Variants in LMX1B observed in about 807,000 individuals in gnomAD.
The protein encoded by LMX1B is LIM homeobox transcription factor 1 beta.
In LMX1B, 12 loss-of-function variants were observed where a neutral mutation model predicts 51.4. The ratio of observed to expected loss-of-function variants is 0.23; its 90% confidence interval spans 0.15 to 0.38. LMX1B has a LOEUF of 0.38. Ranked by LOEUF, LMX1B falls within the 10% of genes least tolerant of loss-of-function variation. The pLI, the probability that LMX1B is intolerant of heterozygous loss-of-function variation, is 1.00. For synonymous variants in LMX1B, 237 were observed against 235.4 expected, an observed-to-expected ratio of 1.01 and a Z score of -0.06; for missense variants, 445 against 571.1, an observed-to-expected ratio of 0.78 and a Z score of 2.25.
At position 126,695,967 on chromosome 9, in the gene LMX1B, C is replaced by T; in HGVS notation, c.1015C>T (p.Pro339Ser). 1 of 1,612,458 alleles carries T rather than the reference C, an allele frequency of 6.2e-7. No homozygotes were observed. The highest frequency in any genetic ancestry group is 8.5e-7 in the Non-Finnish European group (1 of 1,179,440). ...SSDPFQQGLT[P>S]PQMPGDHMNP... ...CGACCCCTTCCAGCAGGGCCTCACGCCGCCCCAAATGCCAGGTGACCACAT... is the reference window on the plus strand; with the variant it reads ...CGACCCCTTCCAGCAGGGCCTCACGTCGCCCCAAATGCCAGGTGACCACAT... Residue 339 changes from proline to serine, a missense_variant, in exon 7 of 8, where the codon CCG becomes TCG. Physicochemically the swap from Pro to Ser is moderately conservative, Grantham distance 74. Transcript: ENST00000373474. This position sits in a 1 kb window ranked among gnomAD's most constrained non-coding sequence, Gnocchi z 5.2.
In LMX1B at chr9:126,699,635, G is replaced by T. The variant is rs2030472607; in HGVS notation, c.*3184G>T. ...CTGGGTGTGGCTCGCAGATGAACAAGATGCAGGGCCTGCCTTGAGGGGTGT... is the reference window on the plus strand; with the variant it reads ...CTGGGTGTGGCTCGCAGATGAACAATATGCAGGGCCTGCCTTGAGGGGTGT... On this transcript the variant is annotated 3_prime_UTR_variant, in exon 8 of 8. Coordinates refer to ENST00000373474, the MANE Select transcript of LMX1B (RefSeq NM_001174147.2). The T allele has an allele frequency of 6.6e-6, 1 of 152,490 alleles. No individual in the cohort carries two copies. The highest frequency in any genetic ancestry group is 1.5e-5 in the Non-Finnish European group (1 of 68,296). The allele number at this position is 152,490 out of a possible 1,614,324, so 9.4% of individuals were successfully genotyped here.
At chr9:126,668,180 T>C (rs1279228163) in intron 2 of LMX1B, among the ~76,000 whole-genome samples, 1 of 152,130 alleles carries the variant, frequency 6.6e-6, no homozygotes, top group East Asian at 1.9e-4. Context: ...ACACTCTTAC[T>C]GAGACCAGGG....
In LMX1B at chr9:126,673,211, T is replaced by C. The variant is rs932313802; in HGVS notation, c.327-17625T>C. Among the ~76,000 whole-genome samples the C allele has an allele frequency of 6.6e-6, 1 of 152,162 alleles. No homozygotes were observed. Among genetic ancestry groups the C allele is most frequent in the African/African-American group, 2.4e-5 (1 of 41,448 alleles). On this transcript the variant is annotated intron_variant, in intron 2 of 7. Transcript: ENST00000373474. The surrounding 1 kb of genome is among the most constrained non-coding windows in gnomAD (Gnocchi z 4.4). ...CCTGGCTCACAGCAGGTATCCATGC[T>C]GGGGTCTGGGGGAGCCCCAGACACC...
chr9:126,632,606 C>G (rs1198228241), intron 2 of LMX1B, among the ~76,000 whole-genome samples: 1 of 152,146 alleles, frequency 6.6e-6, no homozygotes, highest in Non-Finnish European at 1.5e-5. Flanking sequence ...GGGATTAGAC[C>G]GGCGGGAGGA....
chr9:126,692,883 G>A (rs1053975513), intron 3 of LMX1B, among the ~76,000 whole-genome samples: 1 of 152,218 alleles, frequency 6.6e-6, no homozygotes, highest in African/African-American at 2.4e-5. Context: ...TGTGCCCTGC[G>A]GCCCAGGATG....
At position 126,695,687 on chromosome 9, in the gene LMX1B, C is replaced by T. The variant is rs576686778; in HGVS notation, c.887-152C>T. 1.3e-5 allele frequency: 10 copies of T among 787,198 alleles called. No homozygotes were observed. The highest frequency in any genetic ancestry group is 8.9e-5 in the South Asian group (5 of 56,394). 48.8% of individuals were successfully genotyped at this position (787,198 alleles called of 1,614,324 possible). On this transcript the variant is annotated intron_variant, in intron 6 of 7. Coordinates refer to ENST00000373474, the MANE Select transcript of LMX1B (RefSeq NM_001174147.2). The surrounding 1 kb of genome is among the most constrained non-coding windows in gnomAD (Gnocchi z 5.2). ...CCTGGAGGAGGAGCTGGAGTGTGCA[C>T]CTGGGGAAGGGGCTGGGGAGTCAGT...
In LMX1B at chr9:126,676,477, A is replaced by T. The variant is rs746330797; in HGVS notation, c.327-14359A>T. ...GATGAAGTGGCAGGAAGAGGAGGAT[A>T]CCCTGGGAACTCCATGCCATGGGGC... On this transcript the variant is annotated intron_variant, in intron 2 of 7. Transcript: ENST00000373474. Among the ~76,000 whole-genome samples the T allele has an allele frequency of 6.1e-4, 93 of 152,172 alleles. 1 individual carries two copies. The highest frequency in any genetic ancestry group is 1.4e-3 in the Admixed American group (22 of 15,286).
rs2030350240 is a variant in LMX1B, at chr9:126,696,680, C to A, written c.*229C>A. Reference sequence around the variant, plus strand: ...GTCCTGCCCACAGAGACCTTGTCATCCCCAGGGACCCAGAGCTCTCGGACG... The same window carrying A: ...GTCCTGCCCACAGAGACCTTGTCATACCCAGGGACCCAGAGCTCTCGGACG... On this transcript the variant is annotated 3_prime_UTR_variant, in exon 8 of 8. Coordinates refer to ENST00000373474, the MANE Select transcript of LMX1B (RefSeq NM_001174147.2). 6.9e-6 allele frequency: 4 copies of A among 577,756 alleles called. No individual in the cohort carries two copies. The South Asian group carries it at 8.4e-5, about 12-fold the overall frequency. 35.8% of individuals were successfully genotyped at this position (577,756 alleles called of 1,614,324 possible).
intron 2 of LMX1B, among the ~76,000 whole-genome samples, chr9:126,683,722 G>A (rs971540009): frequency 6.6e-6 from 1 of 152,216 alleles, no homozygotes; most frequent in African/African-American, 2.4e-5. Flanking sequence ...ACACAGGAAG[G>A]TCAATACATT....
At chr9:126,680,610 T>G (rs1836653944) in intron 2 of LMX1B, among the ~76,000 whole-genome samples, 1 of 152,132 alleles carries the variant, frequency 6.6e-6, no homozygotes, top group Non-Finnish European at 1.5e-5. Flanking sequence ...AAAAGGTACC[T>G]GGGACTAGCT....
chr9:126,681,573 GC>G (rs35980483), intron 2 of LMX1B, among the ~76,000 whole-genome samples: 1 of 151,632 alleles, frequency 6.6e-6, no homozygotes, highest in South Asian at 2.1e-4. Context: ...CTAACCCGGT[GC>G]CCCCCCTACA....
chr9:126,663,464 G>A (rs868563276), intron 2 of LMX1B, among the ~76,000 whole-genome samples: 11 of 151,602 alleles, frequency 7.3e-5, no homozygotes, highest in Non-Finnish European at 2.9e-5. Flanking sequence ...TTTGAGAGCA[G>A]AGGGACTTGG....
rs1011788741 is a variant in LMX1B, at chr9:126,677,135, G to A, written c.327-13701G>A. 1.3e-5 allele frequency among the ~76,000 whole-genome samples: 2 copies of A among 152,184 alleles called. No individual in the cohort carries two copies. Among genetic ancestry groups the A allele is most frequent in the East Asian group, 3.9e-4 (2 of 5,192 alleles). ...GGCCGAGCCCTGACCTGCCTCGCCT[G>A]CCCTTTGCCCGTCCCCAGCCAGAGC... On this transcript the variant is annotated intron_variant, in intron 2 of 7. Coordinates refer to ENST00000373474, the MANE Select transcript of LMX1B (RefSeq NM_001174147.2). The surrounding 1 kb of genome is among the most constrained non-coding windows in gnomAD (Gnocchi z 5.0).
intron 2 of LMX1B, among the ~76,000 whole-genome samples, chr9:126,680,694 G>A (rs1447733445): frequency 1.3e-5 from 2 of 152,096 alleles, no homozygotes; most frequent in African/African-American, 2.4e-5. Context: ...GGTAGGTGCC[G>A]GGTAAACGTT....
At chr9:126,633,270 T>C (rs973003110) in intron 2 of LMX1B, among the ~76,000 whole-genome samples, 2 of 152,176 alleles carry the variant, frequency 1.3e-5, no homozygotes, top group African/African-American at 4.8e-5. Context: ...TGAGTCTACA[T>C]TTCCAGATGG....
chr9:126,682,592 A>G (rs1417557326), intron 2 of LMX1B, among the ~76,000 whole-genome samples: 1 of 152,146 alleles, frequency 6.6e-6, no homozygotes, highest in Non-Finnish European at 1.5e-5. Flanking sequence ...CGCACATAGT[A>G]GACGCTAAAG....
At chr9:126,666,311 G>A (rs1039885241) in intron 2 of LMX1B, among the ~76,000 whole-genome samples, 12 of 152,204 alleles carry the variant, frequency 7.9e-5, no homozygotes, top group Non-Finnish European at 1.3e-4. Context: ...AGGGGCAGGG[G>A]GCAGGCCCAG....
chr9:126,699,739 C>G lies in LMX1B; in HGVS notation c.*3288C>G, dbSNP rs2030477036. The G allele has an allele frequency of 6.6e-6, 1 of 152,194 alleles. No individual in the cohort carries two copies. Among genetic ancestry groups the G allele is most frequent in the Non-Finnish European group, 1.5e-5 (1 of 68,104 alleles). The allele number at this position is 152,194 out of a possible 1,614,324, so 9.4% of individuals were successfully genotyped here. ...AGGGACCCGTTTCTCAGATGAGGAGCCTGAGGCTCAGAGAAGGGAGGCGAT... is the reference window on the plus strand; with the variant it reads ...AGGGACCCGTTTCTCAGATGAGGAGGCTGAGGCTCAGAGAAGGGAGGCGAT... On this transcript the variant is annotated 3_prime_UTR_variant, in exon 8 of 8. Transcript: ENST00000373474.
rs886063420 is a variant in LMX1B at position 126,696,510 on chromosome 9, C to A, written c.*59C>A. 4 of 1,596,306 alleles carry A rather than the reference C, an allele frequency of 2.5e-6. No individual in the cohort carries two copies. The African/African-American group carries it at 4.0e-5, about 16-fold the overall frequency. ...GCCTGGGGGGGACTGCCAGCCTCTG[C>A]GGCCAGCCTGGCCACCCCCGCCCTG... is the stretch of plus-strand genomic sequence containing the variant. On this transcript the variant is annotated 3_prime_UTR_variant, in exon 8 of 8. Coordinates refer to ENST00000373474, the MANE Select transcript of LMX1B (RefSeq NM_001174147.2).
Sources: gnomAD v4.1 joint callset for allele counts (sites outside exome capture counted in the v4.1 genomes callset) on GRCh38, gnomAD v4.1.1 for gene constraint, Gnocchi (gnomAD v3.1) non-coding constraint, MANE v1.5 for transcripts, NCBI Gene and HGNC (gene_info 2026-07-23, HGNC 2026-07-21) for gene names.